DNAJC10: variants seen among roughly 807,000 people sequenced by gnomAD.
The protein encoded by DNAJC10 is DnaJ heat shock protein family (Hsp40) member C10.
A neutral mutation model predicts 115.0 loss-of-function variants in DNAJC10; 101 were observed. The observed-to-expected ratio is 0.88, with a 90% CI of 0.75 to 1.04. The LOEUF is 1.04. DNAJC10 is among the 50% of genes least tolerant of loss of function. DNAJC10 has a pLI of 0.00. For missense variants in DNAJC10, 981 were observed against 928.8 expected (o/e 1.06, Z -0.73); for synonymous variants, 307 against 301.5 (o/e 1.02, Z -0.19).
At chr2:182,736,716 A>G (rs894370303) in intron 11 of DNAJC10, among the ~76,000 whole-genome samples, 2 of 152,140 alleles carry the variant, frequency 1.3e-5, no homozygotes, top group Non-Finnish European at 2.9e-5. Context: ...AAGAGCATTT[A>G]TAGCATGAGT....
chr2:182,756,019 T>C (rs1694147449), intron 17 of DNAJC10, among the ~76,000 whole-genome samples: 1 of 152,218 alleles, frequency 6.6e-6, no homozygotes, highest in Admixed American at 6.5e-5. Context: ...GGATTTCTTT[T>C]AGCTATCCTT....
At chr2:182,757,919 A>T in intron 19 of DNAJC10, 94 bp downstream of exon 19, 1 of 730,490 alleles carries the variant, frequency 1.4e-6, no homozygotes, top group Non-Finnish European at 2.1e-6. Context: ...AGTTAACCCA[A>T]CAAATATTTA....
At chr2:182,731,768 T>G (rs1404032096) in intron 9 of DNAJC10, among the ~76,000 whole-genome samples, 1 of 152,170 alleles carries the variant, frequency 6.6e-6, no homozygotes, top group African/African-American at 2.4e-5. Flanking sequence ...GGTACTGCCT[T>G]GTAACTAAAA....
At chr2:182,739,445 A>T (rs1574931731) in intron 11 of DNAJC10, 2 of 872,038 alleles carry the variant, frequency 2.3e-6, no homozygotes, top group Middle Eastern at 3.7e-4. Flanking sequence ...ACTGTTAAAC[A>T]TAGATGGTTC....
intron 8 of DNAJC10, chr2:182,730,385 A>G (rs890142882): frequency 1.2e-5 from 3 of 252,240 alleles, no homozygotes; most frequent in East Asian, 2.1e-4. Context: ...CAAGATGTTC[A>G]TTTTATTCAT....
intron 23 of DNAJC10, among the ~76,000 whole-genome samples, 185 bp from the exon 24 acceptor site, chr2:182,776,936 T>G (rs1694721837): frequency 6.6e-6 from 1 of 152,204 alleles, no homozygotes; most frequent in African/African-American, 2.4e-5. Flanking sequence ...AGGTAAGAAC[T>G]AGGATATTCT....
Position 182,732,484 on chromosome 2 carries a change from T to C in DNAJC10, c.806-15T>C. 1 of 1,611,802 alleles carries C rather than the reference T, an allele frequency of 6.2e-7. No homozygotes were observed. Among genetic ancestry groups the C allele is most frequent in the Admixed American group, 1.7e-5 (1 of 59,916 alleles). On this transcript the variant is annotated splice_polypyrimidine_tract_variant and intron_variant, in intron 9 of 23. Transcript: ENST00000264065. ...ATAAAGGTAAAACTGCCTCATAAGG[T>C]TTTTTTGTCCCCAGATTGTTTGACT...
intron 18 of DNAJC10, 30 bp downstream of exon 18, chr2:182,756,499 T>G (rs1574946816): frequency 1.3e-6 from 2 of 1,572,190 alleles, no homozygotes; most frequent in East Asian, 2.3e-5. Flanking sequence ...TTTTAAATCT[T>G]AACATTTACT....
At chr2:182,729,633 C>T (rs1035525904) in intron 7 of DNAJC10, among the ~76,000 whole-genome samples, 7 of 80,054 alleles carry the variant, frequency 8.7e-5, no homozygotes, top group Admixed American at 2.1e-4. Context: ...AGTGAGGAAC[C>T]TGAACGATTA....
intron 4 of DNAJC10, among the ~76,000 whole-genome samples, 184 bp downstream of exon 4, chr2:182,720,353 G>A (rs530104858): frequency 1.7e-4 from 26 of 152,272 alleles, no homozygotes; most frequent in African/African-American, 6.0e-4. Flanking sequence ...GTACAGATAT[G>A]AAGTTGTATT....
At chr2:182,752,487 A>G in intron 16 of DNAJC10, 1 of 473,842 alleles carries the variant, frequency 2.1e-6, no homozygotes, top group Non-Finnish European at 2.8e-6. Context: ...AGATTGTTAT[A>G]TTTCTTTAAT....
intron 16 of DNAJC10, among the ~76,000 whole-genome samples, chr2:182,754,082 G>C (rs545532243): frequency 1.1e-4 from 17 of 152,016 alleles, no homozygotes; most frequent in Non-Finnish European, 1.8e-4. Flanking sequence ...TTTATACAGT[G>C]GGTTTTATCA....
At chr2:182,749,006 C>T (rs1693946059) in intron 14 of DNAJC10, among the ~76,000 whole-genome samples, 1 of 151,902 alleles carries the variant, frequency 6.6e-6, no homozygotes, top group Non-Finnish European at 1.5e-5. Flanking sequence ...TTTGATTGCA[C>T]TGTGGTCTGA....
chr2:182,756,943 C>G (rs372249586), intron 18 of DNAJC10, among the ~76,000 whole-genome samples: 2 of 152,136 alleles, frequency 1.3e-5, no homozygotes, highest in South Asian at 4.1e-4. Flanking sequence ...CCAGTATATC[C>G]AGTACTTTTG....
chr2:182,748,951 T>C (rs9677444), intron 14 of DNAJC10, among the ~76,000 whole-genome samples: 96,543 of 150,310 alleles, frequency 0.64, 31,319 homozygotes, highest in Middle Eastern at 0.73. Flanking sequence ...TCAGTTTCCA[T>C]GTAGTTGAGC....
Position 182,731,057 on chromosome 2 carries a change from C to T in DNAJC10, c.755C>T (p.Ala252Val), listed in dbSNP as rs1363427494. The change falls in exon 9 of 24, where the codon GCT becomes GTT. Residue 252 changes from alanine to valine, a missense_variant. Transcript: ENST00000264065. ...TGNFVNSIQT[A>V]FAAGIGWLIT... ...AATTTTGTCAACTCCATACAAACTG[C>T]TTTTGCTGCTGGTATTGGCTGGCTG... 6.2e-7 allele frequency: 1 copy of T among 1,612,608 alleles called. No individual in the cohort carries two copies. The highest frequency in any genetic ancestry group is 2.2e-5 in the East Asian group (1 of 44,782).
In DNAJC10 at chr2:182,784,635, AATAATG is replaced by A. The variant is rs1243454506; in HGVS notation, c.*7508_*7513del. ...ATTGTTTTATGCCTTAAAAATTATA[AATAATG>A]ATAAGTTTAATTTGCAGCCCTTATA... On this transcript the variant is annotated 3_prime_UTR_variant, in exon 24 of 24. Transcript: ENST00000264065. 6.6e-6 allele frequency: 1 copy of A among 152,196 alleles called. No individual in the cohort carries two copies. The highest frequency in any genetic ancestry group is 2.4e-5 in the African/African-American group (1 of 41,440). 9.4% of individuals were successfully genotyped at this position (152,196 alleles called of 1,614,324 possible). A position where few individuals can be genotyped will look rare whatever the true frequency, so the allele number is the denominator to read the frequency against.
At chr2:182,774,273 A>C (rs1694645466) in intron 22 of DNAJC10, among the ~76,000 whole-genome samples, 3 of 152,174 alleles carry the variant, frequency 2.0e-5, no homozygotes, top group African/African-American at 4.8e-5. Flanking sequence ...CCCCTACTGG[A>C]AGGTGTCTCC....
chr2:182,747,637 A>G (rs1004583595), intron 14 of DNAJC10, among the ~76,000 whole-genome samples: 11 of 152,030 alleles, frequency 7.2e-5, no homozygotes, highest in South Asian at 4.2e-4. Flanking sequence ...GGGCTGAGAC[A>G]ATGTGGTTTT....
Sources: gnomAD v4.1 joint callset for allele counts (sites outside exome capture counted in the v4.1 genomes callset) on GRCh38, gnomAD v4.1.1 for gene constraint, MANE v1.5 for transcripts, NCBI Gene and HGNC (gene_info 2026-07-23, HGNC 2026-07-21) for gene names.